GOLGA3: variants seen among roughly 807,000 people sequenced by gnomAD.
GOLGA3 encodes golgin subfamily A member 3.
GOLGA3 carries 75 observed loss-of-function variants against 169.4 expected under a neutral mutation model. That is an observed-to-expected ratio of 0.44 (90% confidence interval 0.37 to 0.54). The LOEUF (loss-of-function observed/expected upper bound fraction) is 0.54, where lower values mean the gene tolerates loss of function less well. Ranked by LOEUF, GOLGA3 falls within the 20% of genes least tolerant of loss-of-function variation. GOLGA3 has a pLI of 0.00. For missense variants in GOLGA3, 1,899 were observed against 1,930.0 expected (o/e 0.98, Z 0.30); for synonymous variants, 824 against 822.4 (o/e 1.00, Z -0.03).
rs144951708 is a variant in GOLGA3, at chr12:132,773,254, C to G, written c.4348G>C (p.Ala1450Pro). ...DSLQRQMEEH[A>P]LTVHESLSSW... ...GACAGAGACTCGTGCACCGTCAGGG[C>G]GTGCTCCTCCATCTGGCGCTGCAGG... Residue 1450 changes from alanine to proline, a missense_variant, in exon 24 of 24, where the codon GCC becomes CCC. Physicochemically the swap from Ala to Pro is conservative, Grantham distance 27 (BLOSUM62 -1). Transcript: ENST00000450791. 1 of 1,499,430 alleles carries G rather than the reference C, an allele frequency of 6.7e-7. No homozygotes were observed. The highest frequency in any genetic ancestry group is 1.3e-5 in the South Asian group (1 of 79,148). The allele number at this position is 1,499,430 out of a possible 1,614,324, so 92.9% of individuals were successfully genotyped here. A position where few individuals can be genotyped will look rare whatever the true frequency, so the allele number is the denominator to read the frequency against.
intron 18 of GOLGA3, among the ~76,000 whole-genome samples, chr12:132,779,985 TGCACACACACCCCAGGCACACACGTGC>T (rs1256595258): frequency 1.9e-5 from 2 of 103,890 alleles, no homozygotes; most frequent in African/African-American, 4.1e-5. Context: ...ACAGCCCGCG[TGCACACACACCCCAGGCACACACGTGC>T]GCACACACAC....
intron 18 of GOLGA3, among the ~76,000 whole-genome samples, chr12:132,780,415 C>T (rs2045533205): frequency 6.6e-6 from 1 of 152,058 alleles, no homozygotes; most frequent in Admixed American, 6.5e-5. Flanking sequence ...AGGGGCCAGC[C>T]ACGAAAAGAC....
chr12:132,805,816 C>T (rs944910653), intron 6 of GOLGA3, among the ~76,000 whole-genome samples: 4 of 152,242 alleles, frequency 2.6e-5, no homozygotes, highest in East Asian at 1.9e-4. Context: ...AAACACCAAA[C>T]GTGTACACGG....
Position 132,777,670 on chromosome 12 carries a change from GGTC to G in GOLGA3, c.3715_3717del (p.Asp1239del), listed in dbSNP as rs1566069887. 1 of 1,613,984 alleles carries G rather than the reference GGTC, an allele frequency of 6.2e-7. No individual in the cohort carries two copies. Among genetic ancestry groups the G allele is most frequent in the East Asian group, 2.2e-5 (1 of 44,890 alleles). ...TGGCGGGGCCCAGGCACTCACTGAA[GGTC>G]GTCGGCCTCGGCCTGCAGCTTCTGC... On this transcript the variant is annotated inframe_deletion, in exon 19 of 24. Transcript: ENST00000450791. The surrounding 1 kb of genome is among the most constrained non-coding windows in gnomAD (Gnocchi z 4.7).
intron 3 of GOLGA3, 150 bp downstream of exon 3, chr12:132,816,390 C>G: frequency 2.7e-6 from 2 of 728,682 alleles, no homozygotes; most frequent in South Asian, 3.6e-5. Flanking sequence ...GCTCTCCTTG[C>G]TAAACTCACA....
At chr12:132,825,807 A>T (rs540796120) in intron 1 of GOLGA3, 2 of 657,158 alleles carry the variant, frequency 3.0e-6, no homozygotes, top group African/African-American at 3.3e-5. Flanking sequence ...CTCCTGCGGT[A>T]CTACAAGAAC....
chr12:132,780,304 C>T (rs986889039), intron 18 of GOLGA3, among the ~76,000 whole-genome samples: 8 of 152,304 alleles, frequency 5.3e-5, no homozygotes, highest in Admixed American at 3.9e-4. Context: ...CAAGCAGCAG[C>T]GTTCTAACAG....
At position 132,804,830 on chromosome 12, in the gene GOLGA3, T is replaced by A; in HGVS notation, c.1483A>T (p.Asn495Tyr). Reference protein sequence around the residue: ...TDLQNMLEAKNASLASSNNDL... With the variant: ...TDLQNMLEAKYASLASSNNDL... ...TTGTTGGACGACGCCAGGCTGGCATTTTTTGCCTCCAGCATGTTCTGCAGG... is the reference window on the plus strand; with the variant it reads ...TTGTTGGACGACGCCAGGCTGGCATATTTTGCCTCCAGCATGTTCTGCAGG... The change falls in exon 7 of 24, where the codon AAT (asparagine) becomes TAT (tyrosine). Residue 495 changes from asparagine (N) to tyrosine (Y), a missense_variant. Transcript: ENST00000450791. This position sits in a 1 kb window ranked among gnomAD's most constrained non-coding sequence, Gnocchi z 4.1. The A allele has an allele frequency of 6.2e-7, 1 of 1,614,172 alleles. No individual in the cohort carries two copies. Among genetic ancestry groups the A allele is most frequent in the Non-Finnish European group, 8.5e-7 (1 of 1,180,010 alleles).
At chr12:132,803,326 G>A (rs763959930) in intron 7 of GOLGA3, among the ~76,000 whole-genome samples, 1 of 152,164 alleles carries the variant, frequency 6.6e-6, no homozygotes, top group Non-Finnish European at 1.5e-5. Flanking sequence ...TAATCAAGTC[G>A]GCAAATTCAC....
rs546765824 is a variant in GOLGA3 at position 132,814,940 on chromosome 12, T to G, written c.407-1521A>C. Among the ~76,000 whole-genome samples, 25 of 152,328 alleles carry G rather than the reference T, an allele frequency of 1.6e-4. No individual in the cohort carries two copies. The South Asian group carries it at 4.1e-3, about 25-fold the overall frequency. ...ACTGAGTGTGTGGCCTCATCCTTCC[T>G]AAGCCATCAGCAGACACCGCCCGAC... On this transcript the variant is annotated intron_variant, in intron 3 of 23. Coordinates refer to ENST00000450791, the MANE Select transcript of GOLGA3 (RefSeq NM_001389683.1).
intron 1 of GOLGA3, among the ~76,000 whole-genome samples, chr12:132,824,118 C>T (rs1429245959): frequency 1.3e-5 from 2 of 152,176 alleles, no homozygotes; most frequent in African/African-American, 2.4e-5. Context: ...GAGAAGCCCA[C>T]GTGGCTGGTC....
At position 132,805,013 on chromosome 12, in the gene GOLGA3, C is replaced by T. The variant is rs1397613880; in HGVS notation, c.1300G>A (p.Glu434Lys). 3.1e-6 allele frequency: 5 copies of T among 1,606,758 alleles called. No individual in the cohort carries two copies. Among genetic ancestry groups the T allele is most frequent in the Non-Finnish European group, 4.2e-6 (5 of 1,178,672 alleles). The change falls in exon 7 of 24, where the codon GAG becomes AAG. Residue 434 changes from glutamate (E) to lysine (K), a missense_variant. By Grantham distance (56) the Glu-to-Lys change is moderately conservative. Coordinates refer to ENST00000450791, the MANE Select transcript of GOLGA3 (RefSeq NM_001389683.1). ...AGCTGGGCCTGCAGCTCAGCCTTCT[C>T]TTTAAGTGCCTGAAAAGATCCCAAC... ...LSLEASQALK[E>K]KAELQAQLAA... is the part of the protein sequence containing the mutation.
intron 18 of GOLGA3, among the ~76,000 whole-genome samples, chr12:132,778,407 TA>T (rs565159154): frequency 0.011 from 1,652 of 151,698 alleles, 17 homozygotes; most frequent in Middle Eastern, 0.021. Context: ...CCGTCTCTAC[TA>T]AAAATACAAA....
intron 16 of GOLGA3, among the ~76,000 whole-genome samples, chr12:132,783,050 T>C (rs1269458042): frequency 6.6e-6 from 1 of 151,914 alleles, no homozygotes; most frequent in East Asian, 1.9e-4. Context: ...ACAGAAATTA[T>C]CCAGGTGTGG....
chr12:132,773,777 C>A lies in GOLGA3; in HGVS notation c.4307+380G>T, dbSNP rs115641816. Among the ~76,000 whole-genome samples the A allele has an allele frequency of 1.0e-2, 1,458 of 145,974 alleles. 28 individuals carry two copies. Among genetic ancestry groups the A allele is most frequent in the African/African-American group, 0.036 (1,402 of 39,068 alleles). ...GAGTCCCCCTCCCACTTTATATAAA[C>A]CGCAGAGGCTGTGTGAGTCCCCCTC... On this transcript the variant is annotated intron_variant, in intron 23 of 23. Transcript: ENST00000450791.
chr12:132,798,727 G>A (rs780161477), intron 8 of GOLGA3, among the ~76,000 whole-genome samples: 8 of 152,198 alleles, frequency 5.3e-5, no homozygotes, highest in African/African-American at 1.2e-4. Context: ...ATCAGACTGC[G>A]GTTTGTAGCA....
chr12:132,807,230 C>T lies in GOLGA3; in HGVS notation c.1237G>A (p.Glu413Lys), dbSNP rs774570961. The T allele has an allele frequency of 8.1e-6, 13 of 1,604,152 alleles. No individual in the cohort carries two copies. In the East Asian group the frequency reaches 2.9e-4, roughly 36 times the overall value. ...TQEEMLQVLK[E>K]KMRLEGQLEA... ...AGCTGTCCTTCGAGTCGCATTTTCT[C>T]TTTGAGCACCTGCAGCATCTCCTCC... The change falls in exon 6 of 24, where the codon GAG becomes AAG. Residue 413 changes from glutamate to lysine, a missense_variant. Physicochemically the swap from Glu to Lys is moderately conservative, Grantham distance 56. Transcript: ENST00000450791.
rs1318600845 is a variant in GOLGA3, at chr12:132,809,571, C to T, written c.520-1022G>A. 2.0e-5 allele frequency among the ~76,000 whole-genome samples: 3 copies of T among 152,316 alleles called. No homozygotes were observed. In the East Asian group the frequency reaches 5.8e-4, roughly 29 times the overall value. On this transcript the variant is annotated intron_variant, in intron 4 of 23. Transcript: ENST00000450791. ...CCAGACACTGGCTTCACCGCTAGACCAAGGAGCCCTCTGGTGGCCCTGTCT... is the reference window on the plus strand; with the variant it reads ...CCAGACACTGGCTTCACCGCTAGACTAAGGAGCCCTCTGGTGGCCCTGTCT...
In GOLGA3 at chr12:132,777,187, T is replaced by C. The variant is rs946059051; in HGVS notation, c.3723-97A>G. ...TGCTGCCTGTGGAAGGCGTTCGTCCTGGCAGGCCCTCTGCTGTGCACTGCG... is the reference window on the plus strand; with the variant it reads ...TGCTGCCTGTGGAAGGCGTTCGTCCCGGCAGGCCCTCTGCTGTGCACTGCG... On this transcript the variant is annotated intron_variant, in intron 19 of 23. Transcript: ENST00000450791. This position sits in a 1 kb window ranked among gnomAD's most constrained non-coding sequence, Gnocchi z 4.7. 1.5e-6 allele frequency: 2 copies of C among 1,347,540 alleles called. No individual in the cohort carries two copies. The highest frequency in any genetic ancestry group is 2.0e-6 in the Non-Finnish European group (2 of 987,136). The allele number at this position is 1,347,540 out of a possible 1,614,324, so 83.5% of individuals were successfully genotyped here.
Sources: allele counts gnomAD v4.1 joint callset (sites outside exome capture counted in the v4.1 genomes callset), GRCh38; gene constraint gnomAD v4.1.1; non-coding constraint Gnocchi (gnomAD v3.1); transcripts MANE v1.5; gene names NCBI Gene and HGNC (gene_info 2026-07-23, HGNC 2026-07-21).